The following PLCB1 variants were observed in gnomAD, a reference collection of about 807,000 sequenced individuals.
The protein encoded by PLCB1 is phospholipase C beta 1, also known as 1-phosphatidylinositol 4,5-bisphosphate phosphodiesterase beta-1.
A neutral mutation model predicts 161.8 loss-of-function variants in PLCB1; 46 were observed. That is an observed-to-expected ratio of 0.28 (90% CI 0.22 to 0.36). The LOEUF is 0.36. PLCB1 is among the 10% of genes least tolerant of loss of function. The pLI is 1.00. For missense variants in PLCB1, 1,016 were observed against 1,472.5 expected (o/e 0.69, Z 5.07); for synonymous variants, 517 against 503.7 (o/e 1.03, Z -0.35).
At position 8,727,924 on chromosome 20, in the gene PLCB1, T is replaced by C. The variant is rs147003445; in HGVS notation, c.1763+531T>C. ...TTGATATTACTGACAACAAAAATTT[T>C]TGCTACTATCCATGAACTAAAATAA... On this transcript the variant is annotated intron_variant, in intron 17 of 31. Coordinates refer to ENST00000338037, the MANE Select transcript of PLCB1 (RefSeq NM_015192.4). Among the ~76,000 whole-genome samples, 1,442 of 152,210 alleles carry C rather than the reference T, an allele frequency of 9.5e-3. 18 individuals are homozygous for C. Among genetic ancestry groups the C allele is most frequent in the African/African-American group, 0.032 (1,341 of 41,554 alleles).
At chr20:8,429,076 A>G (rs963643266) in intron 3 of PLCB1, among the ~76,000 whole-genome samples, 1 of 152,140 alleles carries the variant, frequency 6.6e-6, no homozygotes, top group Non-Finnish European at 1.5e-5. Flanking sequence ...CACGCAAGCA[A>G]TATCTATGAA....
At chr20:8,481,267 G>T (rs1383504934) in intron 3 of PLCB1, among the ~76,000 whole-genome samples, 1 of 152,156 alleles carries the variant, frequency 6.6e-6, no homozygotes, top group African/African-American at 2.4e-5. Context: ...AAAGTGCCTT[G>T]AGTGCCTTCT....
In PLCB1 at chr20:8,805,663, A is replaced by G. The variant is rs77443175; in HGVS notation, c.3423+15402A>G. On this transcript the variant is annotated intron_variant, in intron 31 of 31. Transcript: ENST00000338037. ...TATCTTCTTATTCTTACCACTGTAC[A>G]TTTGGAGAAACTAAGGTTCAAAAAG... Among the ~76,000 whole-genome samples, 426 of 152,348 alleles carry G rather than the reference A, an allele frequency of 2.8e-3. 3 individuals carry two copies. The highest frequency in any genetic ancestry group is 9.8e-3 in the African/African-American group (407 of 41,588).
chr20:8,843,376 T>C (rs1396588162), intron 31 of PLCB1, among the ~76,000 whole-genome samples: 1 of 152,192 alleles, frequency 6.6e-6, no homozygotes. Flanking sequence ...CTTTGGCAAA[T>C]TTTATTTTTG....
At chr20:8,581,987 T>G (rs945880848) in intron 3 of PLCB1, among the ~76,000 whole-genome samples, 1 of 152,198 alleles carries the variant, frequency 6.6e-6, no homozygotes, top group Non-Finnish European at 1.5e-5. Context: ...TGCTGAGTCA[T>G]GCGAATAGGT....
intron 2 of PLCB1, among the ~76,000 whole-genome samples, chr20:8,348,784 A>G (rs962023938): frequency 6.6e-6 from 1 of 152,198 alleles, no homozygotes; most frequent in African/African-American, 2.4e-5. Context: ...CTAAAAATAT[A>G]CTTAACTCAT....
At chr20:8,868,055 T>G (rs62195381) in intron 31 of PLCB1, among the ~76,000 whole-genome samples, 1,774 of 152,334 alleles carry the variant, frequency 0.012, 13 homozygotes, top group Non-Finnish European at 0.02. Context: ...GATTTTTTTC[T>G]TTTTCTTTTA....
At chr20:8,697,262 C>A (rs1483923604) in intron 10 of PLCB1, among the ~76,000 whole-genome samples, 1 of 152,042 alleles carries the variant, frequency 6.6e-6, no homozygotes, top group Non-Finnish European at 1.5e-5. Context: ...GAACTCTGTG[C>A]CATTTTATTA....
At chr20:8,263,664 A>G (rs1245933843) in intron 2 of PLCB1, among the ~76,000 whole-genome samples, 1 of 152,226 alleles carries the variant, frequency 6.6e-6, no homozygotes, top group Non-Finnish European at 1.5e-5. Context: ...CTTGTACAGC[A>G]TATTACTGTG....
chr20:8,521,902 C>T (rs1984361674), intron 3 of PLCB1, among the ~76,000 whole-genome samples: 1 of 152,154 alleles, frequency 6.6e-6, no homozygotes. Context: ...AAACAAAGTT[C>T]GGGAGTGCAA....
intron 31 of PLCB1, among the ~76,000 whole-genome samples, chr20:8,861,384 C>CT (rs1196563411): frequency 6.6e-6 from 1 of 152,112 alleles, no homozygotes. Flanking sequence ...CAGTCATTTT[C>CT]TTTGAGATAA....
chr20:8,508,621 T>C (rs546709904), intron 3 of PLCB1, among the ~76,000 whole-genome samples: 12 of 152,320 alleles, frequency 7.9e-5, no homozygotes, highest in Middle Eastern at 3.4e-3. Flanking sequence ...AATCCATTAC[T>C]AATGTGATCT....
At chr20:8,654,673 C>T (rs928046727) in intron 7 of PLCB1, among the ~76,000 whole-genome samples, 1 of 151,996 alleles carries the variant, frequency 6.6e-6, no homozygotes, top group Non-Finnish European at 1.5e-5. Context: ...GAAGGGTTCA[C>T]GGAGGAATAT....
intron 3 of PLCB1, among the ~76,000 whole-genome samples, chr20:8,465,704 C>T (rs1182188737): frequency 6.6e-6 from 1 of 151,812 alleles, no homozygotes; most frequent in African/African-American, 2.4e-5. Context: ...ATTTATGCAG[C>T]CAAAAAACAC....
At chr20:8,713,136 C>T (rs907916694) in intron 12 of PLCB1, among the ~76,000 whole-genome samples, 1 of 152,090 alleles carries the variant, frequency 6.6e-6, no homozygotes. Flanking sequence ...TGCTAGGACA[C>T]CTACCTCTTG....
intron 3 of PLCB1, among the ~76,000 whole-genome samples, chr20:8,579,058 C>G (rs1391711724): frequency 6.6e-6 from 1 of 152,208 alleles, no homozygotes. Context: ...CTGCTATTTA[C>G]TTCGCCAGAA....
chr20:8,592,214 T>C (rs145818786), intron 3 of PLCB1, among the ~76,000 whole-genome samples: 319 of 152,332 alleles, frequency 2.1e-3, no homozygotes, highest in African/African-American at 7.2e-3. Flanking sequence ...TGATGAGCAA[T>C]CATCTTCTTA....
rs575830091 is a variant in PLCB1 at position 8,439,368 on chromosome 20, T to C, written c.246+67918T>C. ...CAATACCTAAAAAAGAAACCTCTTT[T>C]TTTAAAGCCTTCAAAAGATGGCAGG... is the stretch of plus-strand genomic sequence containing the variant. On this transcript the variant is annotated intron_variant, in intron 3 of 31. Transcript: ENST00000338037. 3.6e-4 allele frequency among the ~76,000 whole-genome samples: 55 copies of C among 152,308 alleles called. 2 individuals are homozygous for C. In the South Asian group the frequency reaches 0.011, roughly 32 times the overall value.
At chr20:8,446,922 G>A (rs1336978505) in intron 3 of PLCB1, among the ~76,000 whole-genome samples, 1 of 151,862 alleles carries the variant, frequency 6.6e-6, no homozygotes, top group African/African-American at 2.4e-5. Flanking sequence ...TGCACAATTT[G>A]GAAATATAAT....
Sources: allele counts gnomAD v4.1 joint callset (sites outside exome capture counted in the v4.1 genomes callset), GRCh38; gene constraint gnomAD v4.1.1; transcripts MANE v1.5; gene names NCBI Gene and HGNC (gene_info 2026-07-23, HGNC 2026-07-21).